ARHGEF26: variants seen among roughly 807,000 people sequenced by gnomAD.
ARHGEF26 encodes the protein Rho guanine nucleotide exchange factor 26.
ARHGEF26 carries 59 observed loss-of-function variants against 89.4 expected under a neutral mutation model. The ratio of observed to expected loss-of-function variants is 0.66; its 90% CI spans 0.54 to 0.82. The LOEUF is 0.82. Ranked by LOEUF, ARHGEF26 falls within the 40% of genes least tolerant of loss-of-function variation. ARHGEF26 has a pLI of 0.00. For synonymous variants in ARHGEF26, 500 were observed against 428.4 expected, an observed-to-expected ratio of 1.17 and a Z score of -2.06; for missense variants, 1,234 against 1,085.6, an observed-to-expected ratio of 1.14 and a Z score of -1.92.
intron 6 of ARHGEF26, among the ~76,000 whole-genome samples, chr3:154,168,516 G>A (rs1256447416): frequency 7.9e-5 from 12 of 152,136 alleles, no homozygotes. Flanking sequence ...GGCAGAAGTT[G>A]CAGTGAACCG....
chr3:154,129,786 T>A, intron 4 of ARHGEF26, 67 bp downstream of exon 4: 1 of 1,516,554 alleles, frequency 6.6e-7, no homozygotes. Flanking sequence ...ATGTGTGGAT[T>A]TGGCTTTTGT....
chr3:154,129,718 C>T lies in ARHGEF26; in HGVS notation c.1268C>T (p.Ala423Val), dbSNP rs201024945. ...PLRSTWSQLS[A>V]VKRKGLSQTV... is the part of the protein sequence containing the mutation. ...AGATCCACATGGAGCCAACTCTCTG[C>T]GGTGAGTGTTTATCTTCTTTTCTAT... is the stretch of plus-strand genomic sequence containing the variant. Residue 423 changes from alanine (A) to valine (V), a missense_variant and splice_region_variant, in exon 4 of 15, where the codon GCG becomes GTG. Physicochemically the swap from Ala to Val is moderately conservative, Grantham distance 64. Transcript: ENST00000465093. 40 of 1,609,236 alleles carry T rather than the reference C, an allele frequency of 2.5e-5. No homozygotes were observed. The highest frequency in any genetic ancestry group is 2.2e-4 in the Admixed American group (13 of 59,260).
At chr3:154,210,482 T>G (rs894120406) in intron 9 of ARHGEF26, among the ~76,000 whole-genome samples, 1 of 151,810 alleles carries the variant, frequency 6.6e-6, no homozygotes, top group Non-Finnish European at 1.5e-5. Flanking sequence ...CCTGACTAAT[T>G]TTTTGTATTT....
At chr3:154,130,146 A>ATTTTTTT (rs1339031022) in intron 4 of ARHGEF26, among the ~76,000 whole-genome samples, 92 of 28,992 alleles carry the variant, frequency 3.2e-3, no homozygotes, top group Non-Finnish European at 4.7e-3. Context: ...CTTCCTTGGA[A>ATTTTTTT]ATTTTTTTTT....
chr3:154,189,746 C>T (rs532676723), intron 7 of ARHGEF26, among the ~76,000 whole-genome samples: 1 of 152,050 alleles, frequency 6.6e-6, no homozygotes, highest in South Asian at 2.1e-4. Flanking sequence ...AGAGTCCATC[C>T]CAGACTATTT....
chr3:154,199,114 A>AT (rs1332724721), intron 9 of ARHGEF26, among the ~76,000 whole-genome samples: 24 of 151,934 alleles, frequency 1.6e-4, no homozygotes, highest in Non-Finnish European at 3.1e-4. Flanking sequence ...TATTGACTGT[A>AT]GTCACCCTGT....
At chr3:154,178,993 G>C (rs748132921) in intron 6 of ARHGEF26, among the ~76,000 whole-genome samples, 6 of 152,082 alleles carry the variant, frequency 3.9e-5, no homozygotes, top group Non-Finnish European at 5.9e-5. Context: ...AGGGCATTTC[G>C]AGTTCTACAT....
In ARHGEF26 at chr3:154,255,501, A is replaced by G. The variant is rs540641593; in HGVS notation, c.*28A>G. On this transcript the variant is annotated 3_prime_UTR_variant, in exon 15 of 15. Transcript: ENST00000465093. ...TCTCAGATGGTCTTTTGTTACTGCAAGATTTGCACGACACTTACCGGGCTG... is the reference window on the plus strand; with the variant it reads ...TCTCAGATGGTCTTTTGTTACTGCAGGATTTGCACGACACTTACCGGGCTG... 62 of 1,603,138 alleles carry G rather than the reference A, an allele frequency of 3.9e-5. No homozygotes were observed. Among genetic ancestry groups the G allele is most frequent in the Non-Finnish European group, 4.6e-5 (54 of 1,175,024 alleles).
intron 9 of ARHGEF26, among the ~76,000 whole-genome samples, chr3:154,200,228 AT>A (rs1262034130): frequency 2.0e-5 from 3 of 152,068 alleles, no homozygotes; most frequent in Non-Finnish European, 4.4e-5. Context: ...TTTTGATTTG[AT>A]TTTTGTATAT....
chr3:154,142,995 C>A (rs1719474231), intron 4 of ARHGEF26, among the ~76,000 whole-genome samples: 1 of 152,174 alleles, frequency 6.6e-6, no homozygotes, highest in Non-Finnish European at 1.5e-5. Flanking sequence ...TCTCTAGTTT[C>A]TCTTTGGGGC....
chr3:154,152,686 G>A, intron 5 of ARHGEF26, 86 bp from the exon 6 acceptor site: 1 of 1,070,890 alleles, frequency 9.3e-7, no homozygotes, highest in Non-Finnish European at 1.3e-6. Context: ...GGAGTATCTT[G>A]TTATTCTTAC....
At chr3:154,212,632 CG>C (rs1715448926) in intron 9 of ARHGEF26, among the ~76,000 whole-genome samples, 1 of 151,884 alleles carries the variant, frequency 6.6e-6, no homozygotes, top group South Asian at 2.1e-4. Flanking sequence ...TAGGTGGTTT[CG>C]GGATGAAACC....
intron 11 of ARHGEF26, among the ~76,000 whole-genome samples, chr3:154,229,942 C>CTGATAACTTATTATAA (rs1716734456): frequency 6.6e-6 from 1 of 152,124 alleles, no homozygotes; most frequent in Non-Finnish European, 1.5e-5. Flanking sequence ...TATGTGCCTA[C>CTGATAACTTATTATAA]TGATAACTTA....
chr3:154,174,701 TA>T (rs1420634513), intron 6 of ARHGEF26, among the ~76,000 whole-genome samples: 1 of 152,094 alleles, frequency 6.6e-6, no homozygotes, highest in Non-Finnish European at 1.5e-5. Flanking sequence ...TCAGATTTTT[TA>T]TATTAGAGCA....
chr3:154,135,208 G>GGTCCT lies in ARHGEF26; in HGVS notation c.1269+5490_1269+5491insTCCTG, dbSNP rs1718929118. Among the ~76,000 whole-genome samples, 3 of 152,028 alleles carry GGTCCT rather than the reference G, an allele frequency of 2.0e-5. No homozygotes were observed. The South Asian group carries it at 6.3e-4, about 32-fold the overall frequency. ...TTAGCTATGAATCTGCTTGGTCCTGGGCTTTTCTTGGCTGGTAGGCTATTT... is the reference window on the plus strand; with the variant it reads ...TTAGCTATGAATCTGCTTGGTCCTGGGTCCTGCTTTTCTTGGCTGGTAGGCTATTT... On this transcript the variant is annotated intron_variant, in intron 4 of 14. Coordinates refer to ENST00000465093, the MANE Select transcript of ARHGEF26 (RefSeq NM_015595.4).
chr3:154,196,401 A>C (rs968548652), intron 9 of ARHGEF26, among the ~76,000 whole-genome samples: 1 of 152,204 alleles, frequency 6.6e-6, no homozygotes, highest in East Asian at 1.9e-4. Flanking sequence ...TAATGGTAGC[A>C]TCAGAAGCTT....
intron 12 of ARHGEF26, among the ~76,000 whole-genome samples, chr3:154,248,532 A>T (rs1433548006): frequency 6.6e-6 from 1 of 152,152 alleles, no homozygotes; most frequent in Non-Finnish European, 1.5e-5. Context: ...CTAAATTCTA[A>T]GTCCAGTCAT....
At chr3:154,196,384 G>A (rs553890321) in intron 9 of ARHGEF26, among the ~76,000 whole-genome samples, 3 of 152,132 alleles carry the variant, frequency 2.0e-5, no homozygotes, top group African/African-American at 7.2e-5. Context: ...GCACAGAGGA[G>A]CAAAGATAAT....
rs75602402 is a variant in ARHGEF26, at chr3:154,246,612, A to G, written c.2300+6033A>G. Among the ~76,000 whole-genome samples, 1,171 of 152,334 alleles carry G rather than the reference A, an allele frequency of 7.7e-3. 9 individuals are homozygous for G. The highest frequency in any genetic ancestry group is 0.027 in the African/African-American group (1,109 of 41,566). ...TCGAGAAACACTGATTTAGAACCAC[A>G]TAAGCCATAGCAGGAAGTTCCAGGA... On this transcript the variant is annotated intron_variant, in intron 12 of 14. Transcript: ENST00000465093.
Sources: allele counts gnomAD v4.1 joint callset (sites outside exome capture counted in the v4.1 genomes callset), GRCh38; gene constraint gnomAD v4.1.1; transcripts MANE v1.5; gene names NCBI Gene and HGNC (gene_info 2026-07-23, HGNC 2026-07-21).